Variants in MEGF9 observed in about 807,000 individuals in gnomAD.
The protein encoded by MEGF9 is multiple epidermal growth factor-like domains protein 9.
A neutral mutation model predicts 46.8 loss-of-function variants in MEGF9; 6 were observed. That is an observed-to-expected ratio of 0.13 (90% CI 0.07 to 0.25). The LOEUF (loss-of-function observed/expected upper bound fraction) is 0.25. Ranked by LOEUF, MEGF9 falls within the 10% of genes least tolerant of loss-of-function variation. MEGF9 has a pLI of 1.00. For synonymous variants in MEGF9, 302 were observed against 330.7 expected (o/e 0.91, Z 0.94); for missense variants, 683 against 792.4 (o/e 0.86, Z 1.66).
At chr9:120,691,169 A>T (rs2043846319) in intron 1 of MEGF9, among the ~76,000 whole-genome samples, 1 of 152,156 alleles carries the variant, frequency 6.6e-6, no homozygotes, top group African/African-American at 2.4e-5. Flanking sequence ...AGAAATAACA[A>T]CAAAAAAAGC....
At chr9:120,618,424 C>T (rs905109241) in intron 3 of MEGF9, among the ~76,000 whole-genome samples, 2 of 152,122 alleles carry the variant, frequency 1.3e-5, no homozygotes. Context: ...CATCATGGGA[C>T]ACTATGAATA....
intron 4 of MEGF9, among the ~76,000 whole-genome samples, chr9:120,610,749 T>C (rs574509520): frequency 2.0e-4 from 31 of 152,106 alleles, no homozygotes; most frequent in Non-Finnish European, 4.0e-4. Flanking sequence ...CTGGGAGGTA[T>C]AGAAAAGTCT....
At chr9:120,710,462 CCAAT>C (rs2043948247) in intron 1 of MEGF9, among the ~76,000 whole-genome samples, 1 of 147,858 alleles carries the variant, frequency 6.8e-6, no homozygotes, top group African/African-American at 2.5e-5. Context: ...ACCCAGCCAA[CCAAT>C]CAGTGAATGT....
In MEGF9 at chr9:120,605,050, A is replaced by T; in HGVS notation, c.*140T>A. 1 of 778,282 alleles carries T rather than the reference A, an allele frequency of 1.3e-6. No individual in the cohort carries two copies. Among genetic ancestry groups the T allele is most frequent in the Non-Finnish European group, 2.0e-6 (1 of 494,416 alleles). 48.2% of individuals were successfully genotyped at this position (778,282 alleles called of 1,614,324 possible). A position where few individuals can be genotyped will look rare whatever the true frequency, so the allele number is the denominator to read the frequency against. On this transcript the variant is annotated 3_prime_UTR_variant, in exon 6 of 6. Coordinates refer to ENST00000373930, the MANE Select transcript of MEGF9 (RefSeq NM_001080497.3). This position sits in a 1 kb window ranked among gnomAD's most constrained non-coding sequence, Gnocchi z 4.0. ...GAGCAATAGATAGGCTAAGCGCATT[A>T]CAAATTTGTACCTGAAAATTTCAGA...
chr9:120,633,503 T>C (rs1160108683), intron 2 of MEGF9, among the ~76,000 whole-genome samples: 1 of 152,120 alleles, frequency 6.6e-6, no homozygotes, highest in Non-Finnish European at 1.5e-5. Context: ...TTGGTTAGTC[T>C]AGCTGATGGT....
In MEGF9 at chr9:120,601,868, C is replaced by A. The variant is rs948904021; in HGVS notation, c.*3322G>T. On this transcript the variant is annotated 3_prime_UTR_variant, in exon 6 of 6. Transcript: ENST00000373930. The stretch of plus-strand genomic sequence containing the variant: ...ACCATCAGAAATGCATAGGCGCTTA[C>A]CAAAATGAATTAATGAAGATAAAAG... The A allele has an allele frequency of 1.3e-5, 2 of 152,060 alleles. No individual in the cohort carries two copies. The highest frequency in any genetic ancestry group is 2.9e-5 in the Non-Finnish European group (2 of 68,008). The allele number at this position is 152,060 out of a possible 1,614,324, so 9.4% of individuals were successfully genotyped here. A position where few individuals can be genotyped will look rare whatever the true frequency, so the allele number is the denominator to read the frequency against.
At chr9:120,611,858 AG>A (rs1432083642) in intron 4 of MEGF9, among the ~76,000 whole-genome samples, 16 of 141,284 alleles carry the variant, frequency 1.1e-4, no homozygotes, top group African/African-American at 4.2e-4. Context: ...GAAGGAAGGA[AG>A]GAAGAAAGAG....
intron 2 of MEGF9, among the ~76,000 whole-genome samples, chr9:120,623,165 G>A (rs1227937787): frequency 6.6e-6 from 1 of 152,146 alleles, no homozygotes; most frequent in Non-Finnish European, 1.5e-5. Context: ...TCCTCAGCTA[G>A]TAAGTCAAGT....
At chr9:120,694,236 C>T (rs2043864297) in intron 1 of MEGF9, among the ~76,000 whole-genome samples, 1 of 152,190 alleles carries the variant, frequency 6.6e-6, no homozygotes, top group Non-Finnish European at 1.5e-5. Context: ...TAAGATAGAT[C>T]TGGGTTTGAA....
chr9:120,639,564 T>C (rs982264107), intron 2 of MEGF9, among the ~76,000 whole-genome samples: 10 of 150,010 alleles, frequency 6.7e-5, no homozygotes, highest in Admixed American at 1.3e-4. Flanking sequence ...AATACCTAGA[T>C]TAAAATCCTG....
intron 2 of MEGF9, among the ~76,000 whole-genome samples, chr9:120,652,489 A>AC (rs1186989206): frequency 6.7e-6 from 1 of 150,094 alleles, no homozygotes; most frequent in Non-Finnish European, 1.5e-5. Flanking sequence ...AAAAAAAAAA[A>AC]AAAAAAAAAA....
At position 120,658,048 on chromosome 9, in the gene MEGF9, G is replaced by A. The variant is rs567552612; in HGVS notation, c.803+1326C>T. On this transcript the variant is annotated intron_variant, in intron 2 of 5. Transcript: ENST00000373930. Reference sequence around the variant, plus strand: ...TCACCAGGCTGGAGTGCAGTGGCGCGATCTCAGCTCACTGCAACCTCCACC... The same window carrying A: ...TCACCAGGCTGGAGTGCAGTGGCGCAATCTCAGCTCACTGCAACCTCCACC... Among the ~76,000 whole-genome samples, 19 of 151,446 alleles carry A rather than the reference G, an allele frequency of 1.3e-4. No homozygotes were observed. The South Asian group carries it at 1.7e-3, about 13-fold the overall frequency.
chr9:120,645,241 G>A (rs115852807), intron 2 of MEGF9, among the ~76,000 whole-genome samples: 2 of 152,292 alleles, frequency 1.3e-5, no homozygotes, highest in Non-Finnish European at 1.5e-5. Context: ...TCTTGGGACC[G>A]GCTTACACAA....
intron 1 of MEGF9, among the ~76,000 whole-genome samples, chr9:120,662,496 G>A (rs1302851305): frequency 6.6e-6 from 1 of 152,198 alleles, no homozygotes; most frequent in African/African-American, 2.4e-5. Context: ...ATGAAGTTAT[G>A]AGCACAGATT....
chr9:120,697,414 TCTG>T (rs930662482), intron 1 of MEGF9, among the ~76,000 whole-genome samples: 11 of 150,504 alleles, frequency 7.3e-5, no homozygotes, highest in African/African-American at 2.7e-4. Flanking sequence ...TCAAACGTCA[TCTG>T]CTATTTTTTT....
At chr9:120,681,697 C>T (rs1485588099) in intron 1 of MEGF9, among the ~76,000 whole-genome samples, 3 of 152,050 alleles carry the variant, frequency 2.0e-5, no homozygotes, top group Non-Finnish European at 4.4e-5. Flanking sequence ...TACCATATAC[C>T]TATTAATATA....
intron 2 of MEGF9, among the ~76,000 whole-genome samples, chr9:120,643,997 G>GA (rs2132314619): frequency 6.6e-6 from 1 of 152,312 alleles, no homozygotes; most frequent in East Asian, 1.9e-4. Flanking sequence ...TAAGAGGTGT[G>GA]AGGCACCATG....
At chr9:120,675,176 C>A (rs1564425564) in intron 1 of MEGF9, among the ~76,000 whole-genome samples, 1 of 152,184 alleles carries the variant, frequency 6.6e-6, no homozygotes, top group Non-Finnish European at 1.5e-5. Flanking sequence ...TTCATAATCA[C>A]CAAACATTGG....
intron 2 of MEGF9, among the ~76,000 whole-genome samples, chr9:120,652,478 T>TAAAAAAAAAAAA (rs57268783): frequency 2.5e-4 from 21 of 85,606 alleles, no homozygotes; most frequent in South Asian, 4.7e-4. Flanking sequence ...GATCTTGTCT[T>TAAAAAAAAAAAA]AAAAAAAAAA....
Sources: gnomAD v4.1 joint callset for allele counts (sites outside exome capture counted in the v4.1 genomes callset) on GRCh38, gnomAD v4.1.1 for gene constraint, Gnocchi (gnomAD v3.1) non-coding constraint, MANE v1.5 for transcripts, NCBI Gene and HGNC (gene_info 2026-07-23, HGNC 2026-07-21) for gene names.